The following AGBL1 variants were observed in gnomAD, a reference collection of about 807,000 sequenced individuals.
The protein encoded by AGBL1 is AGBL carboxypeptidase 1, also known as cytosolic carboxypeptidase 4.
AGBL1 carries 130 observed loss-of-function variants against 118.9 expected under a neutral mutation model. That is an observed-to-expected ratio of 1.09 (90% CI 0.95 to 1.26). AGBL1 has a LOEUF of 1.26. Ranked by LOEUF, AGBL1 falls within the 50% of genes most tolerant of loss-of-function variation. The pLI is 0.00. For synonymous variants in AGBL1, 555 were observed against 478.9 expected (o/e 1.16, Z -2.08); for missense variants, 1,584 against 1,298.1 (o/e 1.22, Z -3.38).
intron 22 of AGBL1, among the ~76,000 whole-genome samples, chr15:86,745,130 G>A (rs1462524000): frequency 6.6e-6 from 1 of 152,046 alleles, no homozygotes; most frequent in Non-Finnish European, 1.5e-5. Context: ...GAAAACAAAG[G>A]AGAGAGTATG....
At chr15:86,252,527 G>C (rs1028864957) in intron 7 of AGBL1, among the ~76,000 whole-genome samples, 51 of 152,322 alleles carry the variant, frequency 3.3e-4, no homozygotes, top group African/African-American at 1.2e-3. Flanking sequence ...TCCTATATGG[G>C]AAAATAGGAT....
At chr15:86,422,984 T>C (rs1034505159) in intron 18 of AGBL1, among the ~76,000 whole-genome samples, 6 of 152,156 alleles carry the variant, frequency 3.9e-5, no homozygotes, top group Admixed American at 2.0e-4. Flanking sequence ...CTGGACAGAT[T>C]CACAGCCGAA....
At chr15:86,561,229 G>A (rs368464257) in intron 21 of AGBL1, among the ~76,000 whole-genome samples, 1 of 152,118 alleles carries the variant, frequency 6.6e-6, no homozygotes, top group East Asian at 1.9e-4. Context: ...TGTCCTGAAT[G>A]GTATTGCCTA....
chr15:86,452,038 C>G (rs10520629), intron 18 of AGBL1, among the ~76,000 whole-genome samples: 92,593 of 151,940 alleles, frequency 0.61, 28,717 homozygotes, highest in East Asian at 0.82. Context: ...AAGACAGCCT[C>G]AATGGATTGG....
intron 18 of AGBL1, among the ~76,000 whole-genome samples, chr15:86,412,167 C>G (rs914588538): frequency 1.3e-5 from 2 of 152,172 alleles, no homozygotes; most frequent in African/African-American, 4.8e-5. Flanking sequence ...ATAACATTCT[C>G]TTAACTAGTC....
Position 86,264,490 on chromosome 15 carries a change from A to G in AGBL1, c.1319A>G (p.Gln440Arg), listed in dbSNP as rs1324970455. The G allele has an allele frequency of 1.9e-6, 3 of 1,614,044 alleles. 1 individual carries two copies. The South Asian group carries it at 3.3e-5, about 18-fold the overall frequency. ...SKKNPGVNLYQNVQSNSLRRD... is the reference protein window; with the variant it reads ...SKKNPGVNLYRNVQSNSLRRD... Reference sequence around the variant, plus strand: ...AAAAATCCTGGAGTGAACCTGTACCAAAATGTGCAATCCAATAGTCTCAGG... The same window carrying G: ...AAAAATCCTGGAGTGAACCTGTACCGAAATGTGCAATCCAATAGTCTCAGG... The change falls in exon 11 of 23, where the codon CAA becomes CGA. Residue 440 changes from glutamine to arginine, a missense_variant. Gln to Arg is a conservative substitution (Grantham distance 43). Transcript: ENST00000614907.
intron 18 of AGBL1, among the ~76,000 whole-genome samples, chr15:86,426,276 A>G (rs2081865451): frequency 6.6e-6 from 1 of 152,222 alleles, no homozygotes; most frequent in Non-Finnish European, 1.5e-5. Flanking sequence ...ACAAATTTGT[A>G]TGATGTACAA....
intron 22 of AGBL1, among the ~76,000 whole-genome samples, chr15:86,713,755 C>A (rs958784061): frequency 6.6e-6 from 1 of 151,914 alleles, no homozygotes; most frequent in African/African-American, 2.4e-5. Context: ...TCCTTCAGCC[C>A]CAAAGCTAAA....
chr15:86,210,824 G>A (rs76141951), intron 5 of AGBL1, among the ~76,000 whole-genome samples: 2 of 152,104 alleles, frequency 1.3e-5, no homozygotes, highest in Non-Finnish European at 2.9e-5. Context: ...CTGTGAGCTC[G>A]TCAGTGTCAT....
At chr15:86,340,026 C>A (rs12595085) in intron 17 of AGBL1, among the ~76,000 whole-genome samples, 6,693 of 152,102 alleles carry the variant, frequency 0.044, 279 homozygotes, top group East Asian at 0.21. Flanking sequence ...TGCCAAGGAC[C>A]TTTTTAATTT....
chr15:86,609,705 T>A (rs2084631238), intron 21 of AGBL1, among the ~76,000 whole-genome samples: 1 of 152,178 alleles, frequency 6.6e-6, no homozygotes, highest in Non-Finnish European at 1.5e-5. Flanking sequence ...GTGAGAATTG[T>A]TACAATAGCC....
chr15:86,736,649 A>C (rs994588209), intron 22 of AGBL1, among the ~76,000 whole-genome samples: 8 of 152,142 alleles, frequency 5.3e-5, no homozygotes, highest in Non-Finnish European at 8.8e-5. Flanking sequence ...TGGCTCTTCC[A>C]CTAGCCGTAA....
At position 86,554,467 on chromosome 15, in the gene AGBL1, G is replaced by A. The variant is rs771986420; in HGVS notation, c.2924G>A (p.Arg975Lys). ...RASTARVVVW[R>K]EMGVSRSYTM... ...TCCACGGCCCGGGTGGTGGTGTGGA[G>A]AGAGATGGGGGTGTCCAGAAGCTAC... The change falls in exon 21 of 23, where the codon AGA (arginine) becomes AAA (lysine). Residue 975 changes from arginine to lysine, a missense_variant. Transcript: ENST00000614907. The A allele has an allele frequency of 1.9e-6, 3 of 1,588,354 alleles. No individual in the cohort carries two copies. The South Asian group carries it at 3.5e-5, about 18-fold the overall frequency.
chr15:86,405,415 G>T (rs889891505), intron 18 of AGBL1, among the ~76,000 whole-genome samples: 1 of 151,958 alleles, frequency 6.6e-6, no homozygotes, highest in Non-Finnish European at 1.5e-5. Flanking sequence ...ACTTGGGAGG[G>T]TGAGACAGGA....
chr15:86,123,640 C>T (rs975654167), intron 1 of AGBL1, among the ~76,000 whole-genome samples: 9 of 152,272 alleles, frequency 5.9e-5, no homozygotes, highest in East Asian at 5.8e-4. Context: ...TGTTTGAATC[C>T]GCCTATGACC....
At chr15:86,294,858 T>C (rs1404459051) in intron 16 of AGBL1, among the ~76,000 whole-genome samples, 1 of 152,220 alleles carries the variant, frequency 6.6e-6, no homozygotes, top group Non-Finnish European at 1.5e-5. Flanking sequence ...ATCACCCAAA[T>C]GACGTACATT....
intron 17 of AGBL1, among the ~76,000 whole-genome samples, chr15:86,390,093 A>C (rs1019779457): frequency 2.6e-5 from 4 of 152,182 alleles, no homozygotes; most frequent in Non-Finnish European, 5.9e-5. Flanking sequence ...AATACTAACC[A>C]AAAGAAAGCC....
At chr15:86,672,049 G>T (rs985280031) in intron 21 of AGBL1, among the ~76,000 whole-genome samples, 3 of 152,118 alleles carry the variant, frequency 2.0e-5, no homozygotes, top group African/African-American at 7.2e-5. Context: ...TCCAGCTTGG[G>T]TGACAGAGCA....
intron 22 of AGBL1, among the ~76,000 whole-genome samples, chr15:86,754,045 C>T (rs1284355481): frequency 3.3e-5 from 5 of 152,088 alleles, no homozygotes; most frequent in Admixed American, 6.6e-5. Context: ...GAGTCAAAGA[C>T]TTGGCTTCAA....
Sources: gnomAD v4.1 joint callset for allele counts (sites outside exome capture counted in the v4.1 genomes callset) on GRCh38, gnomAD v4.1.1 for gene constraint, MANE v1.5 for transcripts, NCBI Gene and HGNC (gene_info 2026-07-23, HGNC 2026-07-21) for gene names.